Variants in ZNF365 observed in about 807,000 individuals in gnomAD.
ZNF365 encodes the protein protein ZNF365.
A neutral mutation model predicts 35.0 loss-of-function variants in ZNF365; 22 were observed. The observed-to-expected ratio is 0.63, with a 90% confidence interval of 0.45 to 0.90. The LOEUF is 0.90. Among genes scored for constraint, ZNF365 ranks in the 40% least tolerant of loss-of-function variants. The pLI is 0.00. For missense variants in ZNF365, 448 were observed against 500.3 expected, an observed-to-expected ratio of 0.90 and a Z score of 1.00; for synonymous variants, 188 against 196.2, an observed-to-expected ratio of 0.96 and a Z score of 0.35.
intron 3 of ZNF365, among the ~76,000 whole-genome samples, chr10:62,447,963 T>C (rs937403794): frequency 6.6e-6 from 1 of 152,180 alleles, no homozygotes; most frequent in Admixed American, 6.5e-5. Context: ...ATGAAAATTT[T>C]CAAACATCAC....
At position 62,390,166 on chromosome 10, in the gene ZNF365, T is replaced by C. The variant is rs566511994; in HGVS notation, c.924+1590T>C. On this transcript the variant is annotated intron_variant, in intron 3 of 4. Coordinates refer to ENST00000395254, the MANE Select transcript of ZNF365 (RefSeq NM_014951.3). ...TCTGCTTCTGACTGGGCAAGATAGT[T>C]AGTCTTCCTGGGCCTATATTTCTTC... Among the ~76,000 whole-genome samples, 26 of 152,298 alleles carry C rather than the reference T, an allele frequency of 1.7e-4. No individual in the cohort carries two copies. The South Asian group carries it at 5.4e-3, about 32-fold the overall frequency.
rs145403197 is a variant in ZNF365 at position 62,457,022 on chromosome 10, T to A, written c.925-2719T>A. On this transcript the variant is annotated intron_variant, in intron 3 of 4. Transcript: ENST00000395255. ...GGGGTCAGCTAATTTAGGCTGGGCT[T>A]GTATGGACAGCTCTGCTGATCTTTC... Among the ~76,000 whole-genome samples the A allele has an allele frequency of 5.3e-5, 8 of 152,280 alleles. No homozygotes were observed. The East Asian group carries it at 1.4e-3, about 26-fold the overall frequency.
chr10:62,440,469 G>T (rs925782709), intron 3 of ZNF365, among the ~76,000 whole-genome samples: 4 of 152,092 alleles, frequency 2.6e-5, no homozygotes, highest in African/African-American at 9.7e-5. Flanking sequence ...TACTTTTAGA[G>T]GGCAGAGGTT....
rs553082262 is a variant in ZNF365, at chr10:62,451,255, A to C, written c.925-8486A>C. On this transcript the variant is annotated intron_variant, in intron 3 of 4. Transcript: ENST00000395255. ...TCCTTTTTTCTGTGACTGCTTTGGG[A>C]GCTCCATTTTCCATCCTTCTTCAAT... 4.0e-5 allele frequency among the ~76,000 whole-genome samples: 6 copies of C among 151,872 alleles called. No homozygotes were observed. In the East Asian group the frequency reaches 7.7e-4, roughly 20 times the overall value.
At chr10:62,421,283 C>T (rs1384852228) in intron 3 of ZNF365, among the ~76,000 whole-genome samples, 2 of 152,094 alleles carry the variant, frequency 1.3e-5, no homozygotes, top group Non-Finnish European at 2.9e-5. Flanking sequence ...ACAACACTGG[C>T]ACAATTATGT....
At chr10:62,459,742 G>A (rs770502059) in exon 4 of ZNF365, 2 of 1,609,280 alleles carry the variant, frequency 1.2e-6, no homozygotes, top group Non-Finnish European at 1.7e-6. Flanking sequence ...TCCTTTCAGA[G>A]CTGGAAAGGT....
At chr10:62,478,940 CA>C (rs1480231042) in intron 4 of ZNF365, among the ~76,000 whole-genome samples, 1 of 152,176 alleles carries the variant, frequency 6.6e-6, no homozygotes, top group Admixed American at 6.5e-5. Flanking sequence ...ATTGGTAGTA[CA>C]ATGCTTTAAA....
chr10:62,434,259 C>A (rs1459641519), intron 3 of ZNF365, among the ~76,000 whole-genome samples: 1 of 152,066 alleles, frequency 6.6e-6, no homozygotes, highest in Non-Finnish European at 1.5e-5. Context: ...CTCAGTGGTG[C>A]TTCAACACAG....
chr10:62,386,613 G>A (rs1240912594), intron 2 of ZNF365, among the ~76,000 whole-genome samples: 3 of 152,192 alleles, frequency 2.0e-5, no homozygotes, highest in African/African-American at 4.8e-5. Context: ...AAAAGTTTCA[G>A]TATGGCCATG....
At chr10:62,474,212 G>A (rs1035999077) in intron 4 of ZNF365, among the ~76,000 whole-genome samples, 1 of 152,158 alleles carries the variant, frequency 6.6e-6, no homozygotes, top group African/African-American at 2.4e-5. Flanking sequence ...GATCATGGCT[G>A]GGGCCACCTT....
rs1032219319 is a variant in ZNF365 at position 62,376,838 on chromosome 10, G to A, written c.645G>A (p.Glu215=). 1 of 1,614,200 alleles carries A rather than the reference G, an allele frequency of 6.2e-7. No individual in the cohort carries two copies. The highest frequency in any genetic ancestry group is 8.5e-7 in the Non-Finnish European group (1 of 1,180,036). The change falls in exon 2 of 5, where the codon GAG becomes GAA. Residue 215 remains glutamate, a synonymous_variant. Transcript: ENST00000395254. ...TQKKQEVQRR[E]RALNRQVDVA... ...AAAAGCAGGAAGTTCAGAGACGAGA[G>A]CGGGCCTTAAACAGACAGGTGGACG...
rs144792305 is a variant in ZNF365, at chr10:62,463,124, A to T, written c.981+3327A>T. Among the ~76,000 whole-genome samples the T allele has an allele frequency of 1.0e-3, 154 of 152,336 alleles. 1 individual carries two copies. The Middle Eastern group carries it at 0.017, about 17-fold the overall frequency. On this transcript the variant is annotated intron_variant, in intron 4 of 4. Coordinates refer to the ZNF365 transcript ENST00000395255. ...TGCACACATTGAAAAACAAACCAAC[A>T]AACAGCTTCACTCTTAAAAATCACT... is the stretch of plus-strand genomic sequence containing the variant.
chr10:62,475,696 G>T (rs1392735122), intron 4 of ZNF365, among the ~76,000 whole-genome samples: 2 of 152,160 alleles, frequency 1.3e-5, no homozygotes, highest in African/African-American at 2.4e-5. Context: ...ATGGAAAAGT[G>T]GGAGTCACAT....
chr10:62,427,639 CT>C (rs1454189881), intron 3 of ZNF365, among the ~76,000 whole-genome samples: 1 of 152,152 alleles, frequency 6.6e-6, no homozygotes, highest in Non-Finnish European at 1.5e-5. Context: ...GGTCATTTCT[CT>C]TTTAGGTCTG....
At chr10:62,475,749 G>A (rs976805777) in intron 4 of ZNF365, among the ~76,000 whole-genome samples, 2 of 152,196 alleles carry the variant, frequency 1.3e-5, no homozygotes, top group African/African-American at 4.8e-5. Flanking sequence ...ACCATGGCGG[G>A]ATGAAGCCTT....
At chr10:62,415,612 C>G (rs1840061996) in intron 3 of ZNF365, among the ~76,000 whole-genome samples, 1 of 152,060 alleles carries the variant, frequency 6.6e-6, no homozygotes, top group Non-Finnish European at 1.5e-5. Flanking sequence ...TTCTCTAGTA[C>G]CATAAGTACA....
chr10:62,376,818 C>G lies in ZNF365; in HGVS notation c.625C>G (p.Gln209Glu). The G allele has an allele frequency of 6.2e-7, 1 of 1,614,174 alleles. No individual in the cohort carries two copies. Among genetic ancestry groups the G allele is most frequent in the African/African-American group, 1.3e-5 (1 of 75,038 alleles). Residue 209 changes from glutamine (Q) to glutamate (E), a missense_variant, in exon 2 of 5, where the codon CAG (glutamine) becomes GAG (glutamate). Gln to Glu is a conservative substitution (Grantham distance 29). Transcript: ENST00000395254. ...TTTTGTGCAGCTGACTCAGAAAAAG[C>G]AGGAAGTTCAGAGACGAGAGCGGGC... ...AAFVQLTQKKQEVQRRERALN... is the reference protein window; with the variant it reads ...AAFVQLTQKKEEVQRRERALN...
rs368644642 is a variant in ZNF365, at chr10:62,439,526, T to C, written c.925-20215T>C. ...ACACTGATATCTTCTGAGAAAGACA[T>C]ATTCTTTATAACAAAGATGGGAAAG... On this transcript the variant is annotated intron_variant, in intron 3 of 4. Transcript: ENST00000395255. 4.6e-5 allele frequency among the ~76,000 whole-genome samples: 7 copies of C among 152,326 alleles called. No homozygotes were observed. The South Asian group carries it at 8.3e-4, about 18-fold the overall frequency.
intron 4 of ZNF365, among the ~76,000 whole-genome samples, chr10:62,471,891 T>C (rs1487338215): frequency 6.6e-6 from 1 of 152,236 alleles, no homozygotes; most frequent in African/African-American, 2.4e-5. Context: ...AAAGTAAAAT[T>C]CTAAAAATTG....
Sources: allele counts gnomAD v4.1 joint callset (sites outside exome capture counted in the v4.1 genomes callset), GRCh38; gene constraint gnomAD v4.1.1; transcripts MANE v1.5; gene names NCBI Gene and HGNC (gene_info 2026-07-23, HGNC 2026-07-21).